Variants in CFAP46 observed in about 807,000 individuals in gnomAD.
CFAP46 encodes the protein cilia and flagella associated protein 46.
In CFAP46, 245 loss-of-function variants were observed where a neutral mutation model predicts 325.7. The ratio of observed to expected loss-of-function variants is 0.75; its 90% CI spans 0.68 to 0.84. CFAP46 has a LOEUF of 0.84. Ranked by LOEUF, CFAP46 falls within the 40% of genes least tolerant of loss-of-function variation. CFAP46 has a pLI of 0.00. For synonymous variants in CFAP46, 1,523 were observed against 1,495.9 expected (o/e 1.02, Z -0.42); for missense variants, 3,346 against 3,543.0 (o/e 0.94, Z 1.41).
chr10:132,850,408 G>A lies in CFAP46; in HGVS notation c.5788C>T (p.Leu1930=), dbSNP rs930911148. Residue 1930 remains leucine, a synonymous_variant, in exon 41 of 58, where the codon CTA becomes TTA. Coordinates refer to ENST00000368586, the MANE Select transcript of CFAP46 (RefSeq NM_001200049.3). ...AGCTGTGCCAGTGCCCCGTGTGCTA[G>A]AGTCCGCTTCAGCGTGAACCATTGC... ...GLQWFTLKRT[L]AHGALAQLGS... The A allele has an allele frequency of 5.7e-6, 9 of 1,578,904 alleles. No homozygotes were observed. Among genetic ancestry groups the A allele is most frequent in the Non-Finnish European group, 7.7e-6 (9 of 1,161,526 alleles).
chr10:132,847,272 T>C lies in CFAP46; in HGVS notation c.6002A>G (p.Glu2001Gly). 2 of 1,613,460 alleles carry C rather than the reference T, an allele frequency of 1.2e-6. No homozygotes were observed. Among genetic ancestry groups the C allele is most frequent in the Non-Finnish European group, 1.7e-6 (2 of 1,179,922 alleles). The part of the protein sequence containing the change: ...GLKSLELEVE[E>G]EGATKSSRDP... ...CCTGCTGGACTTTGTGGCACCCTCT[T>C]CCTCTACCTCCAGCTCCAGAGACTT... The change falls in exon 42 of 58, where the codon GAA becomes GGA. Residue 2001 changes from glutamate (E) to glycine (G), a missense_variant. Glu to Gly is a moderately conservative substitution (Grantham distance 98). Transcript: ENST00000368586. This position sits in a 1 kb window ranked among gnomAD's most constrained non-coding sequence, Gnocchi z 5.2.
chr10:132,855,534 T>C (rs181937882), intron 39 of CFAP46, among the ~76,000 whole-genome samples: 4 of 152,364 alleles, frequency 2.6e-5, no homozygotes, highest in African/African-American at 9.6e-5. Flanking sequence ...GATTATTCCA[T>C]GATTAGGTCT....
intron 31 of CFAP46, among the ~76,000 whole-genome samples, chr10:132,873,440 G>A (rs113845135): frequency 6.6e-6 from 1 of 151,958 alleles, no homozygotes; most frequent in Non-Finnish European, 1.5e-5. Context: ...CTGGCTGTCA[G>A]GCACTGAGGC....
At chr10:132,929,881 C>G in intron 8 of CFAP46, 77 bp from the exon 9 acceptor site, 2 of 994,398 alleles carry the variant, frequency 2.0e-6, no homozygotes, top group Non-Finnish European at 3.0e-6. Context: ...AATCCATGTC[C>G]CCCGTTCAAG....
intron 29 of CFAP46, among the ~76,000 whole-genome samples, chr10:132,879,040 C>G (rs572054278): frequency 6.6e-5 from 10 of 152,080 alleles, no homozygotes; most frequent in African/African-American, 2.4e-4. Context: ...CTAACAGAGG[C>G]GCCTGCCGCT....
In CFAP46 at chr10:132,846,931, C is replaced by T; in HGVS notation, c.6267+1G>A. 1 of 1,608,088 alleles carries T rather than the reference C, an allele frequency of 6.2e-7. No homozygotes were observed. Among genetic ancestry groups the T allele is most frequent in the Non-Finnish European group, 8.5e-7 (1 of 1,178,194 alleles). On this transcript the variant is annotated splice_donor_variant, in intron 43 of 57. Coordinates refer to ENST00000368586, the MANE Select transcript of CFAP46 (RefSeq NM_001200049.3). LOFTEE classifies it high-confidence loss of function. ...TGGAGGTGGGCAGGGCAGAGACACA[C>T]CTGAGACAGAGCCAGGAACTGGCAG...
At chr10:132,814,394 G>C in intron 53 of CFAP46, 140 bp from the exon 54 acceptor site, 1 of 1,059,082 alleles carries the variant, frequency 9.4e-7, no homozygotes, top group Non-Finnish European at 1.4e-6. Flanking sequence ...GGTGATGGTA[G>C]AACCAGGCTA....
chr10:132,863,762 T>C (rs1187090529), intron 35 of CFAP46, among the ~76,000 whole-genome samples: 24 of 103,182 alleles, frequency 2.3e-4, no homozygotes, highest in East Asian at 1.3e-3. Context: ...ACACCTGTTC[T>C]CAGTGCCTGA....
Position 132,857,758 on chromosome 10 carries a change from T to A in CFAP46, c.5406A>T (p.Glu1802Asp). 1 of 1,571,944 alleles carries A rather than the reference T, an allele frequency of 6.4e-7. No homozygotes were observed. Among genetic ancestry groups the A allele is most frequent in the South Asian group, 1.2e-5 (1 of 85,984 alleles). Reference protein sequence around the residue: ...RLRAQNEKDEEQKTAYYLEAY... With the variant: ...RLRAQNEKDEDQKTAYYLEAY... ...CTTCCAAGTAATACGCAGTTTTTTG[T>A]TCTTCATCTTTCTCGTTCTGGGCAC... Residue 1802 changes from glutamate to aspartate, a missense_variant, in exon 39 of 58, where the codon GAA (glutamate) becomes GAT (aspartate). By Grantham distance (45) the Glu-to-Asp change is conservative. Transcript: ENST00000368586.
intron 50 of CFAP46, among the ~76,000 whole-genome samples, chr10:132,822,812 C>A (rs1268478191): frequency 2.7e-5 from 3 of 111,596 alleles, no homozygotes; most frequent in Non-Finnish European, 3.5e-5. Flanking sequence ...CTGATGTGTG[C>A]TGTGTGCTGT....
chr10:132,836,267 A>G (rs374161283), intron 45 of CFAP46, 49 bp from the exon 46 acceptor site: 7 of 1,561,596 alleles, frequency 4.5e-6, no homozygotes, highest in Non-Finnish European at 6.2e-6. Flanking sequence ...TGAAGGAAAC[A>G]CACCTCACAG....
chr10:132,912,631 C>G (rs1849570547), intron 19 of CFAP46, 24 bp downstream of exon 19: 1 of 1,465,758 alleles, frequency 6.8e-7, no homozygotes, highest in Non-Finnish European at 9.2e-7. Context: ...CTCTCTCTCT[C>G]TCTCGGCATC....
intron 17 of CFAP46, 95 bp from the exon 18 acceptor site, chr10:132,913,353 C>T (rs541455967): frequency 3.8e-6 from 2 of 527,086 alleles, no homozygotes; most frequent in African/African-American, 4.0e-5. Flanking sequence ...AACCAGGCTG[C>T]AGGGCAAGAA....
At chr10:132,861,242 GC>G (rs1434330641) in intron 35 of CFAP46, among the ~76,000 whole-genome samples, 2 of 152,184 alleles carry the variant, frequency 1.3e-5, no homozygotes, top group African/African-American at 4.8e-5. Context: ...CCGCCTCCCT[GC>G]CCTCCAGAGG....
intron 32 of CFAP46, among the ~76,000 whole-genome samples, chr10:132,870,963 A>G (rs879758656): frequency 3.3e-5 from 5 of 152,246 alleles, no homozygotes; most frequent in Non-Finnish European, 7.3e-5. Flanking sequence ...CCAAGCTTCC[A>G]AGCACAGGCT....
Position 132,847,074 on chromosome 10 carries a change from G to T in CFAP46, c.6125C>A (p.Ala2042Glu). 6.2e-7 allele frequency: 1 copy of T among 1,612,360 alleles called. No homozygotes were observed. Among genetic ancestry groups the T allele is most frequent in the South Asian group, 1.1e-5 (1 of 90,976 alleles). ...MVLAQQYLAQ[A>E]SEVLLQCLQV... ...TAGGCACTGCAGCAGCACCTCTGACGCCTGAGCCAGGTACTGCTGGGCCAG... is the reference window on the plus strand; with the variant it reads ...TAGGCACTGCAGCAGCACCTCTGACTCCTGAGCCAGGTACTGCTGGGCCAG... Residue 2042 changes from alanine to glutamate, a missense_variant, in exon 43 of 58, where the codon GCG becomes GAG. Physicochemically the swap from Ala to Glu is moderately radical, Grantham distance 107. Transcript: ENST00000368586. The surrounding 1 kb of genome is among the most constrained non-coding windows in gnomAD (Gnocchi z 5.2).
chr10:132,808,542 C>A lies in CFAP46; in HGVS notation c.8027G>T (p.Arg2676Leu). Residue 2676 changes from arginine (R) to leucine (L), a missense_variant, in exon 58 of 58, where the codon CGT becomes CTT. Coordinates refer to ENST00000368586, the MANE Select transcript of CFAP46 (RefSeq NM_001200049.3). The surrounding 1 kb of genome is among the most constrained non-coding windows in gnomAD (Gnocchi z 6.8). ...SACLCAPWGL[R>L]RGWSCVSSRG... ...GGAAGAGACGCAGCTCCAGCCCCGA[C>A]GCAGACCCCATGGCGCACACAGGCA... The A allele has an allele frequency of 1.2e-6, 2 of 1,612,984 alleles. No homozygotes were observed. The highest frequency in any genetic ancestry group is 1.7e-6 in the Non-Finnish European group (2 of 1,179,974).
intron 55 of CFAP46, among the ~76,000 whole-genome samples, chr10:132,811,994 C>T (rs1847590344): frequency 6.6e-6 from 1 of 152,246 alleles, no homozygotes; most frequent in African/African-American, 2.4e-5. Context: ...CATCAGCAGC[C>T]CCATCAGAGA....
At chr10:132,932,085 A>C (rs1443612237) in intron 8 of CFAP46, among the ~76,000 whole-genome samples, 743 of 58,412 alleles carry the variant, frequency 0.013, no homozygotes, top group Middle Eastern at 0.068. Flanking sequence ...CTGGACCTTC[A>C]TCCTCCCCAC....
Sources: allele counts gnomAD v4.1 joint callset (sites outside exome capture counted in the v4.1 genomes callset), GRCh38; gene constraint gnomAD v4.1.1; non-coding constraint Gnocchi (gnomAD v3.1); transcripts MANE v1.5; gene names NCBI Gene and HGNC (gene_info 2026-07-23, HGNC 2026-07-21).